Variants in RIPOR2 observed in about 807,000 individuals in gnomAD.
RIPOR2 encodes the protein rho family-interacting cell polarization regulator 2.
In RIPOR2, 39 loss-of-function variants were observed where a neutral mutation model predicts 114.5. That is an observed-to-expected ratio of 0.34 (90% CI 0.26 to 0.44). The LOEUF is 0.44. RIPOR2 is among the 20% of genes least tolerant of loss of function. The pLI is 1.00. For missense variants in RIPOR2, 1,007 were observed against 1,255.1 expected, an observed-to-expected ratio of 0.80 and a Z score of 2.99; for synonymous variants, 445 against 484.4, an observed-to-expected ratio of 0.92 and a Z score of 1.07.
intron 17 of RIPOR2, among the ~76,000 whole-genome samples, chr6:24,829,174 A>C (rs1400291920): frequency 1.3e-5 from 2 of 152,034 alleles, no homozygotes; most frequent in Non-Finnish European, 2.9e-5. Context: ...TTAGCTGGTC[A>C]TGGTGGCATG....
intron 1 of RIPOR2, among the ~76,000 whole-genome samples, chr6:25,018,133 T>A (rs1776106073): frequency 6.6e-6 from 1 of 152,164 alleles, no homozygotes; most frequent in Non-Finnish European, 1.5e-5. Context: ...TCTGAAGGGT[T>A]TCATGTTGGG....
chr6:24,850,095 TTC>T, intron 10 of RIPOR2, 145 bp from the exon 11 acceptor site: 3 of 621,476 alleles, frequency 4.8e-6, no homozygotes, highest in African/African-American at 2.3e-5. Flanking sequence ...ATTTTTCTTT[TTC>T]TTTTTTTTTT....
chr6:25,019,201 C>T (rs1189942523), intron 1 of RIPOR2, among the ~76,000 whole-genome samples: 4 of 151,784 alleles, frequency 2.6e-5, no homozygotes, highest in Admixed American at 2.6e-4. Context: ...TTGTTGATGC[C>T]CAGATGGTCC....
At chr6:24,846,811 C>A (rs1762341536) in intron 12 of RIPOR2, among the ~76,000 whole-genome samples, 2 of 152,020 alleles carry the variant, frequency 1.3e-5, no homozygotes, top group African/African-American at 2.4e-5. Context: ...TTATTGTATT[C>A]CTGACTGTGA....
intron 1 of RIPOR2, among the ~76,000 whole-genome samples, chr6:24,972,612 C>T (rs1364461991): frequency 6.6e-6 from 1 of 152,134 alleles, no homozygotes; most frequent in Non-Finnish European, 1.5e-5. Flanking sequence ...ATTATAATGC[C>T]TCATGGAGTG....
At chr6:24,962,747 C>T (rs577802980) in intron 1 of RIPOR2, among the ~76,000 whole-genome samples, 1 of 152,202 alleles carries the variant, frequency 6.6e-6, no homozygotes, top group Non-Finnish European at 1.5e-5. Context: ...AAAAAGGTGA[C>T]AAAATTCATC....
intron 1 of RIPOR2, among the ~76,000 whole-genome samples, chr6:24,897,742 C>T (rs1768027218): frequency 6.6e-6 from 1 of 152,070 alleles, no homozygotes; most frequent in Non-Finnish European, 1.5e-5. Context: ...AAGATGGTCA[C>T]AGTTAGTGTT....
At chr6:24,894,866 T>C (rs1283667322) in intron 1 of RIPOR2, among the ~76,000 whole-genome samples, 1 of 152,210 alleles carries the variant, frequency 6.6e-6, no homozygotes, top group Non-Finnish European at 1.5e-5. Flanking sequence ...TCATGTCGAC[T>C]GTTAGAGATG....
chr6:24,844,922 C>T (rs999137389), intron 12 of RIPOR2, among the ~76,000 whole-genome samples: 1 of 152,048 alleles, frequency 6.6e-6, no homozygotes, highest in African/African-American at 2.4e-5. Context: ...AAAAACATTA[C>T]AGCAAATGCA....
At chr6:24,834,624 A>G (rs1760967986) in intron 15 of RIPOR2, among the ~76,000 whole-genome samples, 1 of 152,124 alleles carries the variant, frequency 6.6e-6, no homozygotes, top group African/African-American at 2.4e-5. Flanking sequence ...TGATCGAGAC[A>G]GGTCTCTGAG....
At chr6:24,903,639 A>G (rs1295015225) in intron 1 of RIPOR2, among the ~76,000 whole-genome samples, 3 of 151,628 alleles carry the variant, frequency 2.0e-5, no homozygotes, top group Non-Finnish European at 4.4e-5. Flanking sequence ...AGGTGTGTAT[A>G]TTTAGGGGTT....
upstream of RIPOR2, among the ~76,000 whole-genome samples, chr6:24,940,651 A>AT (rs570652051): frequency 0.024 from 3,626 of 148,098 alleles, 97 homozygotes; most frequent in African/African-American, 0.061. Context: ...AAGGAATACG[A>AT]TTTTTTTTTT....
intron 1 of RIPOR2, among the ~76,000 whole-genome samples, chr6:24,993,615 T>C (rs972938397): frequency 6.6e-6 from 1 of 152,264 alleles, no homozygotes; most frequent in Non-Finnish European, 1.5e-5. Context: ...GGTGTGTGTG[T>C]GCGTGCACAC....
At chr6:24,877,159 T>G (rs1765867914) in intron 1 of RIPOR2, 1 of 985,148 alleles carries the variant, frequency 1.0e-6, no homozygotes, top group Non-Finnish European at 1.2e-6. Flanking sequence ...TACATCCAGA[T>G]GTAATGGAAA....
chr6:24,995,844 C>G (rs1376561938), intron 1 of RIPOR2, among the ~76,000 whole-genome samples: 1 of 150,678 alleles, frequency 6.6e-6, no homozygotes, highest in African/African-American at 2.5e-5. Flanking sequence ...CTCTGTCGCC[C>G]CAGGCTGGAG....
At chr6:24,823,426 A>T (rs1759871832) in intron 19 of RIPOR2, among the ~76,000 whole-genome samples, 1 of 152,334 alleles carries the variant, frequency 6.6e-6, no homozygotes, top group South Asian at 2.1e-4. Flanking sequence ...GAGATAAGAC[A>T]GCTAAGTGAT....
At chr6:24,917,935 G>T (rs1770203652) in intron 1 of RIPOR2, among the ~76,000 whole-genome samples, 1 of 152,182 alleles carries the variant, frequency 6.6e-6, no homozygotes, top group African/African-American at 2.4e-5. Flanking sequence ...ATCTGTAAAG[G>T]TCTTCCAAGG....
At chr6:24,963,802 T>C (rs1416291771) in intron 1 of RIPOR2, among the ~76,000 whole-genome samples, 3 of 151,680 alleles carry the variant, frequency 2.0e-5, no homozygotes, top group African/African-American at 4.8e-5. Flanking sequence ...TGGGTAAAAA[T>C]ACGTGTCTTT....
intron 8 of RIPOR2, among the ~76,000 whole-genome samples, chr6:24,860,323 G>GA (rs1334858994): frequency 6.6e-6 from 1 of 151,898 alleles, no homozygotes; most frequent in East Asian, 1.9e-4. Context: ...GTCAAGGGTA[G>GA]AAAAAAAGGT....
Sources: gnomAD v4.1 joint callset for allele counts (sites outside exome capture counted in the v4.1 genomes callset) on GRCh38, gnomAD v4.1.1 for gene constraint, MANE v1.5 for transcripts, NCBI Gene and HGNC (gene_info 2026-07-23, HGNC 2026-07-21) for gene names.